CCDC146: variants seen among roughly 807,000 people sequenced by gnomAD.
The protein encoded by CCDC146 is coiled-coil domain containing 146.
Under a neutral mutation model 119.3 loss-of-function variants are expected in CCDC146, and 92 were observed. The ratio of observed to expected loss-of-function variants is 0.77; its 90% CI spans 0.65 to 0.92. The LOEUF is 0.92. CCDC146 is among the 40% of genes least tolerant of loss of function. The pLI is 0.00. For synonymous variants in CCDC146, 372 were observed against 371.8 expected, an observed-to-expected ratio of 1.00 and a Z score of -0.01; for missense variants, 1,000 against 1,103.0, an observed-to-expected ratio of 0.91 and a Z score of 1.32.
intron 13 of CCDC146, among the ~76,000 whole-genome samples, chr7:77,279,746 C>T (rs1427017324): frequency 2.0e-5 from 3 of 152,140 alleles, no homozygotes; most frequent in African/African-American, 7.2e-5. Context: ...TGAGCTAATT[C>T]ATATAAAAAC....
At chr7:77,133,956 G>A (rs1270762356) in intron 1 of CCDC146, among the ~76,000 whole-genome samples, 1 of 152,088 alleles carries the variant, frequency 6.6e-6, no homozygotes, top group Non-Finnish European at 1.5e-5. Flanking sequence ...ATAAGGTGAA[G>A]CAGTACACAA....
In CCDC146 at chr7:77,271,513, GATATAT is replaced by G. The variant is rs56661430; in HGVS notation, c.1174-2130_1174-2125del. Among the ~76,000 whole-genome samples the G allele has an allele frequency of 1.9e-3, 133 of 71,296 alleles. 1 individual carries two copies. Among genetic ancestry groups the G allele is most frequent in the African/African-American group, 3.3e-3 (62 of 18,744 alleles). 46.8% of individuals were successfully genotyped at this position (71,296 alleles called of 152,430 possible). On this transcript the variant is annotated intron_variant, in intron 9 of 18. Coordinates refer to ENST00000285871, the MANE Select transcript of CCDC146 (RefSeq NM_020879.3). ...TATATATACACACACACTAATAGGA[GATATAT>G]ATATATATATATATATATATATATA...
intron 2 of CCDC146, among the ~76,000 whole-genome samples, chr7:77,206,344 C>T (rs1242677015): frequency 6.6e-6 from 1 of 152,072 alleles, no homozygotes; most frequent in African/African-American, 2.4e-5. Context: ...TAGGCAGGCA[C>T]AGTAGCTCAC....
intron 2 of CCDC146, among the ~76,000 whole-genome samples, chr7:77,171,530 A>G (rs1791421314): frequency 6.6e-6 from 1 of 152,200 alleles, no homozygotes; most frequent in African/African-American, 2.4e-5. Context: ...TGCCACCTCC[A>G]GACTTATCTG....
chr7:77,279,135 G>C (rs377365103), intron 13 of CCDC146, 34 bp downstream of exon 13: 3 of 1,590,356 alleles, frequency 1.9e-6, no homozygotes, highest in South Asian at 2.3e-5. Context: ...CCTTTCAAAG[G>C]CTTGTTTTCT....
intron 17 of CCDC146, among the ~76,000 whole-genome samples, chr7:77,290,079 A>G (rs949986456): frequency 6.6e-6 from 1 of 152,130 alleles, no homozygotes; most frequent in African/African-American, 2.4e-5. Flanking sequence ...GGATGAGTTC[A>G]TGTCCTTTGT....
At chr7:77,179,555 CTTA>C in intron 2 of CCDC146, among the ~76,000 whole-genome samples, 1 of 151,928 alleles carries the variant, frequency 6.6e-6, no homozygotes, top group Non-Finnish European at 1.5e-5. Context: ...AAACTAGTTC[CTTA>C]TTATGAGACA....
rs1354648289 is a variant in CCDC146 at position 77,293,023 on chromosome 7, G to A, written c.2487G>A (p.Met829Ile). The change falls in exon 18 of 19, where the codon ATG becomes ATA. Residue 829 changes from methionine (M) to isoleucine (I), a missense_variant. Physicochemically the swap from Met to Ile is conservative, Grantham distance 10 (BLOSUM62 1). Transcript: ENST00000285871. Reference protein sequence around the residue: ...KMMALVAELSMKQALTIELQK... With the variant: ...KMMALVAELSIKQALTIELQK... ...TGGCTCTTGTTGCTGAGCTGTCCAT[G>A]AAACAAGCCCTAACCATTGAACTCC... The A allele has an allele frequency of 5.6e-6, 9 of 1,614,046 alleles. No homozygotes were observed. In the African/African-American group the frequency reaches 9.3e-5, roughly 17 times the overall value.
intron 2 of CCDC146, among the ~76,000 whole-genome samples, chr7:77,184,079 C>G (rs1301582408): frequency 6.6e-6 from 1 of 152,066 alleles, no homozygotes; most frequent in East Asian, 1.9e-4. Context: ...GCCAGCTGAG[C>G]CCCCAAAGGG....
rs543051421 is a variant in CCDC146, at chr7:77,193,464, A to C, written c.156+25640A>C. The C allele has an allele frequency of 4.6e-5, 7 of 152,334 alleles. No individual in the cohort carries two copies. The South Asian group carries it at 1.5e-3, about 32-fold the overall frequency. The allele number at this position is 152,334 out of a possible 1,614,324, so 9.4% of individuals were successfully genotyped here. ...AAGGTTTTAAAAAGACATGAAACAT[A>C]AACCTAATTATACATAAAAGAAAAG... On this transcript the variant is annotated intron_variant, in intron 2 of 18. Transcript: ENST00000285871.
At chr7:77,247,885 C>T (rs80139701) in intron 4 of CCDC146, among the ~76,000 whole-genome samples, 25,232 of 152,090 alleles carry the variant, frequency 0.17, 2,844 homozygotes, top group Admixed American at 0.23. Context: ...GGATATTTCT[C>T]AAAGAACTAA....
intron 16 of CCDC146, 30 bp from the exon 17 acceptor site, chr7:77,287,410 T>A (rs1584148947): frequency 4.3e-6 from 7 of 1,609,960 alleles, no homozygotes; most frequent in Non-Finnish European, 5.9e-6. Flanking sequence ...ACTTTTTTTT[T>A]ATTCCTCTTG....
At chr7:77,137,410 G>T (rs940921300) in intron 1 of CCDC146, among the ~76,000 whole-genome samples, 3 of 145,802 alleles carry the variant, frequency 2.1e-5, no homozygotes, top group South Asian at 2.1e-4. Context: ...TAGCAGAGTT[G>T]TAGGATGTAA....
At chr7:77,290,946 T>C (rs1269603284) in intron 17 of CCDC146, among the ~76,000 whole-genome samples, 1 of 152,212 alleles carries the variant, frequency 6.6e-6, no homozygotes, top group African/African-American at 2.4e-5. Flanking sequence ...TCCCAATTTA[T>C]CCTGGTCCAA....
At chr7:77,293,441 T>C (rs990098045) in intron 18 of CCDC146, among the ~76,000 whole-genome samples, 35 of 152,350 alleles carry the variant, frequency 2.3e-4, no homozygotes, top group African/African-American at 7.5e-4. Context: ...CCTTACATCC[T>C]GGGCTGCTGA....
intron 2 of CCDC146, among the ~76,000 whole-genome samples, chr7:77,182,443 A>G (rs1791604219): frequency 6.6e-6 from 1 of 152,116 alleles, no homozygotes; most frequent in African/African-American, 2.4e-5. Context: ...AATTGCTTTT[A>G]TCACTTTTTC....
At chr7:77,208,467 G>A (rs192775704) in intron 2 of CCDC146, among the ~76,000 whole-genome samples, 8 of 152,212 alleles carry the variant, frequency 5.3e-5, no homozygotes, top group African/African-American at 1.9e-4. Context: ...TAACACAATG[G>A]TATTTGTGTA....
intron 2 of CCDC146, among the ~76,000 whole-genome samples, chr7:77,168,164 A>G (rs994191455): frequency 6.6e-6 from 1 of 152,168 alleles, no homozygotes; most frequent in African/African-American, 2.4e-5. Context: ...AAATTAAAAT[A>G]TCTTGTCATA....
intron 1 of CCDC146, among the ~76,000 whole-genome samples, chr7:77,159,909 G>A (rs908673593): frequency 5.3e-5 from 8 of 152,080 alleles, no homozygotes; most frequent in Admixed American, 1.3e-4. Flanking sequence ...TAGGTCTAAC[G>A]TTTAAGTCTT....
Sources: allele counts gnomAD v4.1 joint callset (sites outside exome capture counted in the v4.1 genomes callset), GRCh38; gene constraint gnomAD v4.1.1; transcripts MANE v1.5; gene names NCBI Gene and HGNC (gene_info 2026-07-23, HGNC 2026-07-21).